The following DCP1A variants were observed in gnomAD, a reference collection of about 807,000 sequenced individuals.
DCP1A encodes the protein decapping mRNA 1A.
Under a neutral mutation model 58.0 loss-of-function variants are expected in DCP1A, and 20 were observed. The ratio of observed to expected loss-of-function variants is 0.34; its 90% confidence interval spans 0.24 to 0.50. The LOEUF (loss-of-function observed/expected upper bound fraction) is 0.50, where lower values mean the gene tolerates loss of function less well. Among genes scored for constraint, DCP1A ranks in the 20% least tolerant of loss-of-function variants. DCP1A has a pLI of 0.98. For missense variants in DCP1A, 613 were observed against 712.2 expected, an observed-to-expected ratio of 0.86 and a Z score of 1.59; for synonymous variants, 285 against 275.1, an observed-to-expected ratio of 1.04 and a Z score of -0.36.
chr3:53,337,792 G>A (rs1225415676), intron 3 of DCP1A, among the ~76,000 whole-genome samples: 1 of 152,226 alleles, frequency 6.6e-6, no homozygotes, highest in African/African-American at 2.4e-5. Context: ...AGCTCATGCT[G>A]AGACTTCCAC....
At chr3:53,309,976 G>A (rs1553688494) in intron 5 of DCP1A, among the ~76,000 whole-genome samples, 2 of 152,172 alleles carry the variant, frequency 1.3e-5, no homozygotes, top group Non-Finnish European at 2.9e-5. Flanking sequence ...CAGCTGAAGG[G>A]AGCCCATCCA....
At chr3:53,319,326 TTA>T (rs1553689622) in intron 4 of DCP1A, 79 bp downstream of exon 4, 1 of 928,114 alleles carries the variant, frequency 1.1e-6, no homozygotes, top group East Asian at 2.7e-5. Context: ...TTGGCAGACT[TTA>T]GTAACAAAGA....
intron 3 of DCP1A, among the ~76,000 whole-genome samples, chr3:53,332,031 G>A (rs1472154123): frequency 6.6e-6 from 1 of 152,194 alleles, no homozygotes; most frequent in Admixed American, 6.6e-5. Context: ...TAGCAGGTAT[G>A]TATAATAGGG....
chr3:53,298,210 G>A (rs968046314), intron 6 of DCP1A, among the ~76,000 whole-genome samples: 4 of 152,098 alleles, frequency 2.6e-5, no homozygotes, highest in Admixed American at 1.3e-4. Flanking sequence ...AGAGTGAGAC[G>A]TTGTCTCTAC....
At chr3:53,290,936 CT>C in intron 7 of DCP1A, 80 bp from the exon 8 acceptor site, 2 of 1,261,818 alleles carry the variant, frequency 1.6e-6, no homozygotes, top group Non-Finnish European at 2.2e-6. Flanking sequence ...TTGAAAAAGA[CT>C]TTCCCAGTGG....
At chr3:53,308,983 A>G (rs781951263) in intron 5 of DCP1A, among the ~76,000 whole-genome samples, 3 of 151,572 alleles carry the variant, frequency 2.0e-5, no homozygotes, top group Non-Finnish European at 4.4e-5. Context: ...AACCATCCGC[A>G]CCCCCCTGAC....
intron 4 of DCP1A, among the ~76,000 whole-genome samples, chr3:53,313,294 C>CT (rs1423468737): frequency 2.0e-5 from 3 of 152,116 alleles, no homozygotes; most frequent in African/African-American, 7.2e-5. Context: ...TGGTACACGC[C>CT]TGTAGTCCCA....
At position 53,286,714 on chromosome 3, in the gene DCP1A, T is replaced by C. The variant is rs1289114639; in HGVS notation, c.*866A>G. The C allele has an allele frequency of 6.6e-6, 1 of 152,236 alleles. No individual in the cohort carries two copies. Among genetic ancestry groups the C allele is most frequent in the African/African-American group, 2.4e-5 (1 of 41,458 alleles). 9.4% of individuals were successfully genotyped at this position (152,236 alleles called of 1,614,324 possible). ...TTGTCAGATTGGTCCACTGGTCCTT[T>C]TGTCAAAGTGTTAAGGAAAACAATC... is the stretch of plus-strand genomic sequence containing the variant. On this transcript the variant is annotated 3_prime_UTR_variant, in exon 10 of 10. Coordinates refer to ENST00000610213, the MANE Select transcript of DCP1A (RefSeq NM_018403.7).
intron 6 of DCP1A, among the ~76,000 whole-genome samples, chr3:53,299,429 G>C (rs1177171970): frequency 6.6e-6 from 1 of 152,168 alleles, no homozygotes; most frequent in African/African-American, 2.4e-5. Context: ...CATTCAGCGA[G>C]CAACAGCATG....
rs1553684782 is a variant in DCP1A, at chr3:53,284,027, C to T, written c.*3553G>A. 1.3e-5 allele frequency: 2 copies of T among 152,144 alleles called. No individual in the cohort carries two copies. Among genetic ancestry groups the T allele is most frequent in the East Asian group, 1.9e-4 (1 of 5,196 alleles). 9.4% of individuals were successfully genotyped at this position (152,144 alleles called of 1,614,324 possible). A position where few individuals can be genotyped will look rare whatever the true frequency, so the allele number is the denominator to read the frequency against. On this transcript the variant is annotated 3_prime_UTR_variant, in exon 10 of 10. Coordinates refer to ENST00000610213, the MANE Select transcript of DCP1A (RefSeq NM_018403.7). Reference sequence around the variant, plus strand: ...TTTAGAGACTTGAGAACACAGGGCACTATTGGTTCCAGAAGATACACTGAA... The same window carrying T: ...TTTAGAGACTTGAGAACACAGGGCATTATTGGTTCCAGAAGATACACTGAA...
chr3:53,313,798 A>T (rs1253368481), intron 4 of DCP1A, among the ~76,000 whole-genome samples: 2 of 152,152 alleles, frequency 1.3e-5, no homozygotes, highest in African/African-American at 2.4e-5. Flanking sequence ...CTCTCATTAG[A>T]GTGTGGGGAA....
rs782100430 is a variant in DCP1A at position 53,288,221 on chromosome 3, T to G, written c.1512A>C (p.Pro504=). ...TTGTAACTGTCTGCTGGAAAACACTTGGGGCCAGCAGGACTGAAGACACTG... is the reference window on the plus strand; with the variant it reads ...TTGTAACTGTCTGCTGGAAAACACTGGGGGCCAGCAGGACTGAAGACACTG... ...TTAVSSVLLA[P]SVFQQTVTRS... is the part of the protein sequence containing the mutation. The change falls in exon 9 of 10, where the codon CCA becomes CCC. Residue 504 remains proline, a synonymous_variant. Transcript: ENST00000610213. 2.5e-6 allele frequency: 4 copies of G among 1,613,796 alleles called. No homozygotes were observed. The East Asian group carries it at 8.9e-5, about 36-fold the overall frequency.
chr3:53,323,366 G>T (rs782019556), intron 3 of DCP1A, among the ~76,000 whole-genome samples: 3 of 152,186 alleles, frequency 2.0e-5, no homozygotes, highest in East Asian at 3.8e-4. Flanking sequence ...AGCGGCTAAG[G>T]CTTGCTCTAA....
rs1553685409 is a variant in DCP1A, at chr3:53,288,098, A to G, written c.1635T>C (p.Ser545=). The change falls in exon 9 of 10, where the codon TCT becomes TCC. Residue 545 remains serine (S), a synonymous_variant. Coordinates refer to ENST00000610213, the MANE Select transcript of DCP1A (RefSeq NM_018403.7). ...GATGTATTAATGTATCCTGGAGCTG[A>G]GACTTGCTGAGAATAATGGAAGGCT... ...QRKPSIILSK[S]QLQDTLIHLI... is the part of the protein sequence containing the mutation. The G allele has an allele frequency of 6.2e-7, 1 of 1,614,020 alleles. No individual in the cohort carries two copies. Among genetic ancestry groups the G allele is most frequent in the South Asian group, 1.1e-5 (1 of 91,086 alleles).
intron 5 of DCP1A, among the ~76,000 whole-genome samples, chr3:53,304,532 A>T (rs1553687779): frequency 1.3e-5 from 2 of 152,176 alleles, no homozygotes; most frequent in African/African-American, 4.8e-5. Context: ...CCTTTTTAAG[A>T]AAAAGATAAT....
chr3:53,305,355 C>A (rs202160769), intron 5 of DCP1A, among the ~76,000 whole-genome samples: 1 of 139,620 alleles, frequency 7.2e-6, no homozygotes, highest in Non-Finnish European at 1.6e-5. Flanking sequence ...ATTTTTTTTT[C>A]TTTTTTTTTT....
intron 7 of DCP1A, 98 bp from the exon 8 acceptor site, chr3:53,290,954 T>A: frequency 1.9e-6 from 2 of 1,080,850 alleles, no homozygotes; most frequent in Non-Finnish European, 2.7e-6. Flanking sequence ...GTGGAAAATC[T>A]AGGTTAGTAA....
chr3:53,301,452 T>G (rs1201621521), intron 6 of DCP1A, among the ~76,000 whole-genome samples: 1 of 152,082 alleles, frequency 6.6e-6, no homozygotes, highest in Non-Finnish European at 1.5e-5. Flanking sequence ...TTTGTATTTT[T>G]AGTAGAGACG....
chr3:53,311,477 A>C (rs1707641911), intron 5 of DCP1A, among the ~76,000 whole-genome samples: 1 of 152,162 alleles, frequency 6.6e-6, no homozygotes, highest in Non-Finnish European at 1.5e-5. Flanking sequence ...AAATTAACGA[A>C]AGTACCACAA....
Sources: gnomAD v4.1 joint callset for allele counts (sites outside exome capture counted in the v4.1 genomes callset) on GRCh38, gnomAD v4.1.1 for gene constraint, MANE v1.5 for transcripts, NCBI Gene and HGNC (gene_info 2026-07-23, HGNC 2026-07-21) for gene names.